The following MINDY4 variants were observed in gnomAD, a reference collection of about 807,000 sequenced individuals.
MINDY4 encodes MINDY lysine 48 deubiquitinase 4, also known as probable ubiquitin carboxyl-terminal hydrolase MINDY-4.
A neutral mutation model predicts 87.0 loss-of-function variants in MINDY4; 68 were observed. The ratio of observed to expected loss-of-function variants is 0.78; its 90% CI spans 0.64 to 0.96. MINDY4 has a LOEUF of 0.96. MINDY4 is among the 40% of genes least tolerant of loss of function. MINDY4 has a pLI of 0.00. For synonymous variants in MINDY4, 379 were observed against 363.2 expected (o/e 1.04, Z -0.50); for missense variants, 919 against 928.2 (o/e 0.99, Z 0.13).
At chr7:30,783,171 A>G (rs1012881707) in intron 3 of MINDY4, among the ~76,000 whole-genome samples, 3 of 152,184 alleles carry the variant, frequency 2.0e-5, no homozygotes, top group African/African-American at 7.2e-5. Flanking sequence ...TGAGGGGAAA[A>G]TCCATTTTCT....
intron 5 of MINDY4, among the ~76,000 whole-genome samples, chr7:30,819,636 T>G (rs926873034): frequency 4.6e-5 from 7 of 152,312 alleles, no homozygotes; most frequent in African/African-American, 1.4e-4. Context: ...TGTCAAATTT[T>G]TGATAATATG....
In MINDY4 at chr7:30,875,565, C is replaced by A. The variant is rs1161116292; in HGVS notation, c.1880C>A (p.Ser627Tyr). ...NVFNDVVELD[S>Y]GDGNITLLRG... is the part of the protein sequence containing the mutation. Reference sequence around the variant, plus strand: ...TTCAACGATGTGGTTGAGCTGGATTCTGGGGATGGGAACATCACACTTCTC... The same window carrying A: ...TTCAACGATGTGGTTGAGCTGGATTATGGGGATGGGAACATCACACTTCTC... The change falls in exon 15 of 18, where the codon TCT becomes TAT. Residue 627 changes from serine to tyrosine, a missense_variant. Coordinates refer to ENST00000265299, the MANE Select transcript of MINDY4 (RefSeq NM_032222.3). 6.2e-7 allele frequency: 1 copy of A among 1,614,208 alleles called. No individual in the cohort carries two copies. Among genetic ancestry groups the A allele is most frequent in the East Asian group, 2.2e-5 (1 of 44,888 alleles).
intron 13 of MINDY4, among the ~76,000 whole-genome samples, chr7:30,869,577 A>G (rs929037489): frequency 2.0e-5 from 3 of 151,934 alleles, no homozygotes; most frequent in Non-Finnish European, 4.4e-5. Flanking sequence ...CTGAGTCCTC[A>G]CTTCATCTTT....
chr7:30,773,891 C>T (rs541052757), intron 1 of MINDY4, among the ~76,000 whole-genome samples: 1 of 152,314 alleles, frequency 6.6e-6, no homozygotes, highest in East Asian at 1.9e-4. Flanking sequence ...CTACCTCTCA[C>T]CCACCCATCC....
chr7:30,859,467 G>A (rs1723498348), intron 13 of MINDY4, 143 bp downstream of exon 13: 3 of 772,882 alleles, frequency 3.9e-6, no homozygotes, highest in Non-Finnish European at 6.4e-6. Context: ...CAGTGGAGTA[G>A]GGGAAGGTCT....
intron 4 of MINDY4, among the ~76,000 whole-genome samples, chr7:30,789,705 C>T (rs1483535998): frequency 6.6e-6 from 1 of 152,128 alleles, no homozygotes; most frequent in Non-Finnish European, 1.5e-5. Context: ...TTAAGGTTTC[C>T]TTATTCCAGT....
chr7:30,773,881 C>T (rs1328442564), intron 1 of MINDY4, among the ~76,000 whole-genome samples: 1 of 152,204 alleles, frequency 6.6e-6, no homozygotes, highest in Non-Finnish European at 1.5e-5. Flanking sequence ...CATAACCCAC[C>T]TACCTCTCAC....
At chr7:30,783,016 C>A (rs182193746) in intron 3 of MINDY4, among the ~76,000 whole-genome samples, 1 of 152,298 alleles carries the variant, frequency 6.6e-6, no homozygotes, top group East Asian at 1.9e-4. Context: ...CAATTGGGTA[C>A]CATAGCCTAG....
chr7:30,815,195 A>G (rs1232815530), intron 5 of MINDY4, among the ~76,000 whole-genome samples: 1 of 151,940 alleles, frequency 6.6e-6, no homozygotes, highest in African/African-American at 2.4e-5. Context: ...TCAGGCAGCC[A>G]CTCCTTCAGG....
intron 15 of MINDY4, among the ~76,000 whole-genome samples, chr7:30,877,185 G>A (rs1044045043): frequency 6.6e-6 from 1 of 152,188 alleles, no homozygotes; most frequent in Non-Finnish European, 1.5e-5. Flanking sequence ...CGGATCCTGG[G>A]TGTGCTCTGA....
At chr7:30,782,609 T>G (rs28668685) in intron 3 of MINDY4, among the ~76,000 whole-genome samples, 41,775 of 151,834 alleles carry the variant, frequency 0.28, 6,661 homozygotes, top group African/African-American at 0.43. Context: ...AGGCTGAGGC[T>G]GGAAGATCAC....
chr7:30,824,134 A>G (rs1251281713), intron 5 of MINDY4, among the ~76,000 whole-genome samples: 1 of 152,158 alleles, frequency 6.6e-6, no homozygotes. Flanking sequence ...TTTGTGTCCT[A>G]CAGTTCTGGA....
chr7:30,809,974 GA>G (rs1787933635), intron 5 of MINDY4, among the ~76,000 whole-genome samples: 1 of 151,752 alleles, frequency 6.6e-6, no homozygotes, highest in Non-Finnish European at 1.5e-5. Flanking sequence ...TCAGAAGTTC[GA>G]GACCAGCCTG....
At chr7:30,824,525 A>G (rs1480283583) in intron 5 of MINDY4, among the ~76,000 whole-genome samples, 1 of 152,180 alleles carries the variant, frequency 6.6e-6, no homozygotes, top group East Asian at 1.9e-4. Context: ...CCCATAACTA[A>G]TTTAGCCAAG....
chr7:30,820,377 T>A (rs1788291602), intron 5 of MINDY4, among the ~76,000 whole-genome samples: 1 of 152,242 alleles, frequency 6.6e-6, no homozygotes, highest in Non-Finnish European at 1.5e-5. Flanking sequence ...TGCTTTCTTA[T>A]TTTTTAAATT....
chr7:30,865,405 A>G (rs1197975851), intron 13 of MINDY4, among the ~76,000 whole-genome samples: 2 of 152,252 alleles, frequency 1.3e-5, no homozygotes, highest in South Asian at 2.1e-4. Flanking sequence ...CAAGGTGACA[A>G]TGGAAGGTGG....
At chr7:30,844,155 G>A (rs1424842981) in intron 9 of MINDY4, among the ~76,000 whole-genome samples, 1 of 152,198 alleles carries the variant, frequency 6.6e-6, no homozygotes, top group Admixed American at 6.5e-5. Flanking sequence ...CAGAGGTGCT[G>A]TGCTGTGCAG....
intron 5 of MINDY4, among the ~76,000 whole-genome samples, chr7:30,826,759 C>T (rs1055403513): frequency 2.0e-5 from 3 of 152,216 alleles, no homozygotes; most frequent in African/African-American, 7.2e-5. Context: ...AATTACTAAA[C>T]ATCTTTGAGG....
intron 9 of MINDY4, among the ~76,000 whole-genome samples, chr7:30,845,402 CATTG>C (rs1334439296): frequency 6.6e-6 from 1 of 151,716 alleles, no homozygotes; most frequent in Non-Finnish European, 1.5e-5. Flanking sequence ...ATAGTTTTCA[CATTG>C]ATTGATTGTG....
Sources: gnomAD v4.1 joint callset for allele counts (sites outside exome capture counted in the v4.1 genomes callset) on GRCh38, gnomAD v4.1.1 for gene constraint, MANE v1.5 for transcripts, NCBI Gene and HGNC (gene_info 2026-07-23, HGNC 2026-07-21) for gene names.